Variants in GRIP1 observed in about 807,000 individuals in gnomAD.
GRIP1 encodes the protein glutamate receptor-interacting protein 1.
In GRIP1, 45 loss-of-function variants were observed where a neutral mutation model predicts 129.9. That is an observed-to-expected ratio of 0.35 (90% CI 0.27 to 0.44). The LOEUF (loss-of-function observed/expected upper bound fraction) is 0.44, where lower values mean the gene tolerates loss of function less well. Ranked by LOEUF, GRIP1 falls within the 20% of genes least tolerant of loss-of-function variation. The pLI, the probability that GRIP1 is intolerant of heterozygous loss-of-function variation, is 1.00. For missense variants in GRIP1, 1,196 were observed against 1,396.8 expected, an observed-to-expected ratio of 0.86 and a Z score of 2.29; for synonymous variants, 530 against 520.8, an observed-to-expected ratio of 1.02 and a Z score of -0.24.
chr12:67,052,886 T>C (rs1282266465), intron 1 of GRIP1, among the ~76,000 whole-genome samples: 2 of 152,164 alleles, frequency 1.3e-5, no homozygotes, highest in African/African-American at 2.4e-5. Context: ...AGTCAAATAG[T>C]ATGTTCAAAT....
rs567542404 is a variant in GRIP1, at chr12:66,894,438, G to A, written c.58+174612C>T. Reference sequence around the variant, plus strand: ...GTCCTACAACCAAGGTCCTCTATGAGTTCCAGACAATTCATAACTTATAGT... The same window carrying A: ...GTCCTACAACCAAGGTCCTCTATGAATTCCAGACAATTCATAACTTATAGT... On this transcript the variant is annotated intron_variant, in intron 1 of 1. Coordinates refer to the GRIP1 transcript ENST00000643019. Among the ~76,000 whole-genome samples, 12 of 152,280 alleles carry A rather than the reference G, an allele frequency of 7.9e-5. No individual in the cohort carries two copies. The South Asian group carries it at 2.5e-3, about 32-fold the overall frequency.
intron 1 of GRIP1, among the ~76,000 whole-genome samples, chr12:66,705,934 A>G (rs2035512576): frequency 6.6e-6 from 1 of 152,104 alleles, no homozygotes; most frequent in Non-Finnish European, 1.5e-5. Flanking sequence ...TAAATGTAAA[A>G]CCAAAACCAT....
chr12:66,537,267 T>C (rs1190025789), intron 4 of GRIP1, among the ~76,000 whole-genome samples: 1 of 152,198 alleles, frequency 6.6e-6, no homozygotes, highest in Non-Finnish European at 1.5e-5. Flanking sequence ...TGTAAGTAAC[T>C]TTCTCAAAGG....
intron 1 of GRIP1, among the ~76,000 whole-genome samples, chr12:67,066,888 TTA>T (rs1555170033): frequency 0.045 from 5,684 of 125,644 alleles, 448 homozygotes; most frequent in African/African-American, 0.16. Flanking sequence ...AAATATATAT[TTA>T]TATATATATA....
intron 1 of GRIP1, among the ~76,000 whole-genome samples, chr12:66,770,741 T>A (rs949165058): frequency 6.6e-6 from 1 of 152,196 alleles, no homozygotes; most frequent in Non-Finnish European, 1.5e-5. Flanking sequence ...AAATAAGGCA[T>A]ACTCCCTATT....
chr12:66,461,953 C>T (rs2059149054), intron 9 of GRIP1, among the ~76,000 whole-genome samples: 1 of 152,148 alleles, frequency 6.6e-6, no homozygotes, highest in Non-Finnish European at 1.5e-5. Context: ...AGGAATAGGG[C>T]AGGAGAGGGA....
intron 1 of GRIP1, among the ~76,000 whole-genome samples, chr12:66,852,817 T>C (rs1199979272): frequency 6.6e-6 from 1 of 151,984 alleles, no homozygotes; most frequent in Non-Finnish European, 1.5e-5. Context: ...CCAAAAGATA[T>C]AAAATGATTC....
intron 1 of GRIP1, among the ~76,000 whole-genome samples, chr12:66,963,068 T>C (rs2041945391): frequency 6.6e-6 from 1 of 152,066 alleles, no homozygotes; most frequent in South Asian, 2.1e-4. Context: ...CCTAGCACTT[T>C]GGGAGGCCAA....
intron 4 of GRIP1, among the ~76,000 whole-genome samples, chr12:66,535,327 G>A (rs1024013883): frequency 1.3e-5 from 2 of 151,720 alleles, no homozygotes; most frequent in East Asian, 1.9e-4. Flanking sequence ...TGGTTTGAGA[G>A]AGTAATTTCA....
chr12:66,627,707 T>G (rs2030251149), intron 1 of GRIP1, among the ~76,000 whole-genome samples: 1 of 152,190 alleles, frequency 6.6e-6, no homozygotes, highest in African/African-American at 2.4e-5. Flanking sequence ...ATCAGAACAC[T>G]GGATCCCCTG....
intron 1 of GRIP1, among the ~76,000 whole-genome samples, chr12:66,860,945 A>G (rs1244972355): frequency 6.6e-6 from 1 of 152,042 alleles, no homozygotes; most frequent in Non-Finnish European, 1.5e-5. Context: ...ATTCAAGGCC[A>G]TTACACTATG....
chr12:66,451,456 C>T (rs1264137350), intron 11 of GRIP1, among the ~76,000 whole-genome samples: 1 of 113,978 alleles, frequency 8.8e-6, no homozygotes, highest in Non-Finnish European at 1.6e-5. Flanking sequence ...CAGGCTGGAG[C>T]ATAGTGGCAG....
intron 1 of GRIP1, among the ~76,000 whole-genome samples, chr12:66,744,278 A>C (rs2036878045): frequency 6.6e-6 from 1 of 152,176 alleles, no homozygotes; most frequent in African/African-American, 2.4e-5. Context: ...TTCCTGAAAA[A>C]AAAAGGTTCA....
chr12:66,955,547 G>A (rs182038337), intron 1 of GRIP1, among the ~76,000 whole-genome samples: 6 of 124,576 alleles, frequency 4.8e-5, no homozygotes, highest in South Asian at 2.5e-4. Context: ...CACTCTTGTC[G>A]CCCAGGCTGG....
chr12:66,616,218 C>T (rs2065033366), intron 1 of GRIP1, among the ~76,000 whole-genome samples: 1 of 151,834 alleles, frequency 6.6e-6, no homozygotes, highest in Non-Finnish European at 1.5e-5. Context: ...TCAAGAGAGG[C>T]CTGGGCCACA....
intron 1 of GRIP1, among the ~76,000 whole-genome samples, chr12:66,782,648 G>C (rs1302700112): frequency 6.6e-6 from 1 of 152,166 alleles, no homozygotes; most frequent in Non-Finnish European, 1.5e-5. Flanking sequence ...TCAGAGAACT[G>C]ATATGATAGC....
intron 1 of GRIP1, among the ~76,000 whole-genome samples, chr12:66,817,185 T>C (rs1371579828): frequency 6.7e-6 from 1 of 148,646 alleles, no homozygotes; most frequent in Non-Finnish European, 1.5e-5. Context: ...TATATATATA[T>C]ACATAATTTT....
chr12:66,775,181 G>A (rs1158453678), intron 1 of GRIP1, among the ~76,000 whole-genome samples: 1 of 152,168 alleles, frequency 6.6e-6, no homozygotes, highest in Non-Finnish European at 1.5e-5. Flanking sequence ...TGTTTTTAAG[G>A]AGCACAGAGA....
At chr12:66,953,499 T>C (rs2041792498) in intron 1 of GRIP1, among the ~76,000 whole-genome samples, 1 of 152,212 alleles carries the variant, frequency 6.6e-6, no homozygotes. Context: ...GAGAGGCGTG[T>C]TGTTTTTGTT....
Sources: allele counts gnomAD v4.1 joint callset (sites outside exome capture counted in the v4.1 genomes callset), GRCh38; gene constraint gnomAD v4.1.1; transcripts MANE v1.5; gene names NCBI Gene and HGNC (gene_info 2026-07-23, HGNC 2026-07-21).